The following SYNE1 variants were observed in gnomAD, a reference collection of about 807,000 sequenced individuals.
SYNE1 encodes spectrin repeat containing nuclear envelope protein 1.
In SYNE1, 616 loss-of-function variants were observed where a neutral mutation model predicts 1,111.0. The ratio of observed to expected loss-of-function variants is 0.55; its 90% CI spans 0.52 to 0.59. The LOEUF is 0.59. SYNE1 is among the 20% of genes least tolerant of loss of function. The probability of loss-of-function intolerance (pLI) is 0.00; values close to 1 mark genes in which losing one functional copy is unlikely to be tolerated. For missense variants in SYNE1, 10,006 were observed against 10,417.0 expected (o/e 0.96, Z 1.72); for synonymous variants, 3,855 against 3,825.8 (o/e 1.01, Z -0.28).
At chr6:152,339,949 A>G (rs2096495761) in intron 74 of SYNE1, among the ~76,000 whole-genome samples, 1 of 152,260 alleles carries the variant, frequency 6.6e-6, no homozygotes, top group African/African-American at 2.4e-5. Flanking sequence ...CTCAGGCTCC[A>G]TTTTAGATAC....
chr6:152,358,142 T>C (rs2096869989), intron 66 of SYNE1, among the ~76,000 whole-genome samples: 2 of 152,208 alleles, frequency 1.3e-5, no homozygotes, highest in Admixed American at 1.3e-4. Flanking sequence ...AGCAGCTCCA[T>C]GAATCCCCCA....
At chr6:152,464,963 A>G in intron 18 of SYNE1, 2 of 445,860 alleles carry the variant, frequency 4.5e-6, no homozygotes, top group Non-Finnish European at 8.3e-6. Context: ...CCTCTCTTAA[A>G]TCAGGAAATC....
intron 17 of SYNE1, 37 bp from the exon 18 acceptor site, chr6:152,465,497 T>C: frequency 2.5e-6 from 4 of 1,579,282 alleles, no homozygotes; most frequent in Non-Finnish European, 3.5e-6. Flanking sequence ...CCTTATCTCA[T>C]ATTTTAAATC....
chr6:152,470,129 A>C (rs960200408), intron 16 of SYNE1, among the ~76,000 whole-genome samples: 2 of 152,208 alleles, frequency 1.3e-5, no homozygotes, highest in African/African-American at 2.4e-5. Context: ...GCAGTTTGGA[A>C]TTAGTAGCTG....
At position 152,148,133 on chromosome 6, in the gene SYNE1, C is replaced by A. The variant is rs1044569341; in HGVS notation, c.24888G>T (p.Glu8296Asp). ...AGGGCAGAGCTCTGGACATTGCAGACTCCAGGTCCCGACTGAGGTCATAGT... is the reference window on the plus strand; with the variant it reads ...AGGGCAGAGCTCTGGACATTGCAGAATCCAGGTCCCGACTGAGGTCATAGT... ...DHDYDLSRDLESAMSRALPSE... is the reference protein window; with the variant it reads ...DHDYDLSRDLDSAMSRALPSE... Residue 8296 changes from glutamate to aspartate, a missense_variant, in exon 137 of 146, where the codon GAG (glutamate) becomes GAT (aspartate). Glu to Asp is a conservative substitution (Grantham distance 45). Coordinates refer to ENST00000367255, the MANE Select transcript of SYNE1 (RefSeq NM_182961.4). The surrounding 1 kb of genome is among the most constrained non-coding windows in gnomAD (Gnocchi z 4.1). 1.9e-6 allele frequency: 3 copies of A among 1,614,100 alleles called. No homozygotes were observed. The African/African-American group carries it at 4.0e-5, about 22-fold the overall frequency.
chr6:152,314,245 C>G (rs2095640975), intron 87 of SYNE1, among the ~76,000 whole-genome samples: 1 of 152,186 alleles, frequency 6.6e-6, no homozygotes, highest in Non-Finnish European at 1.5e-5. Flanking sequence ...AGGATAAAGT[C>G]CAAATTCCCA....
chr6:152,420,231 G>A (rs2098234762), intron 39 of SYNE1, among the ~76,000 whole-genome samples: 1 of 152,002 alleles, frequency 6.6e-6, no homozygotes, highest in Non-Finnish European at 1.5e-5. Flanking sequence ...TCCAAAATTT[G>A]CTTTTTCTTT....
rs770726839 is a variant in SYNE1, at chr6:152,455,558, C to G, written c.2760G>C (p.Lys920Asn). ...SMVKKTGDWK[K>N]HVETNSRLMK... ...TCAAGCGACTGTTGGTTTCCACATGCTTCTTCCAATCTCCAGTTTTCTTTA... is the reference window on the plus strand; with the variant it reads ...TCAAGCGACTGTTGGTTTCCACATGGTTCTTCCAATCTCCAGTTTTCTTTA... Residue 920 changes from lysine to asparagine, a missense_variant, in exon 24 of 146, where the codon AAG becomes AAC. Physicochemically the swap from Lys to Asn is moderately conservative, Grantham distance 94. Coordinates refer to ENST00000367255, the MANE Select transcript of SYNE1 (RefSeq NM_182961.4). 1.9e-6 allele frequency: 3 copies of G among 1,614,036 alleles called. No individual in the cohort carries two copies. Among genetic ancestry groups the G allele is most frequent in the South Asian group, 2.2e-5 (2 of 91,082 alleles).
At chr6:152,513,522 T>G (rs1211535360) in intron 6 of SYNE1, among the ~76,000 whole-genome samples, 1 of 152,090 alleles carries the variant, frequency 6.6e-6, no homozygotes, top group African/African-American at 2.4e-5. Context: ...TTAGTAGAGA[T>G]GAAGTTTTGC....
At chr6:152,499,877 G>A (rs2099019733) in intron 10 of SYNE1, among the ~76,000 whole-genome samples, 1 of 152,074 alleles carries the variant, frequency 6.6e-6, no homozygotes, top group African/African-American at 2.4e-5. Flanking sequence ...TTTATTTTCT[G>A]GATGATTAAA....
chr6:152,369,427 C>A lies in SYNE1; in HGVS notation c.9651+44G>T, dbSNP rs774536246. 18 of 1,613,800 alleles carry A rather than the reference C, an allele frequency of 1.1e-5. No individual in the cohort carries two copies. The South Asian group carries it at 1.5e-4, about 14-fold the overall frequency. ...ATCTGTAAGGTCGACAGAGGACGGACAAAGACTAGGTCAGATGGGGCTACG... is the reference window on the plus strand; with the variant it reads ...ATCTGTAAGGTCGACAGAGGACGGAAAAAGACTAGGTCAGATGGGGCTACG... On this transcript the variant is annotated intron_variant, in intron 60 of 145. Transcript: ENST00000367255.
chr6:152,195,684 C>T (rs2073923946), intron 127 of SYNE1, among the ~76,000 whole-genome samples: 1 of 152,182 alleles, frequency 6.6e-6, no homozygotes, highest in Non-Finnish European at 1.5e-5. Flanking sequence ...GCTGAGTTCC[C>T]TGGTACTGGT....
chr6:152,201,322 A>T (rs1308328503), intron 127 of SYNE1, among the ~76,000 whole-genome samples: 1 of 152,108 alleles, frequency 6.6e-6, no homozygotes, highest in East Asian at 1.9e-4. Context: ...ATAATCTTTA[A>T]GTACTTAGAG....
intron 132 of SYNE1, chr6:152,155,322 A>G: frequency 2.4e-6 from 1 of 418,018 alleles, no homozygotes; most frequent in Non-Finnish European, 4.5e-6. Flanking sequence ...GCTGCCTTGA[A>G]TGTGTGCACC....
chr6:152,225,835 C>G lies in SYNE1; in HGVS notation c.21237G>C (p.Glu7079Asp). The G allele has an allele frequency of 2.5e-6, 4 of 1,613,856 alleles. No individual in the cohort carries two copies. Among genetic ancestry groups the G allele is most frequent in the Non-Finnish European group, 3.4e-6 (4 of 1,179,926 alleles). ...DLIKAKEKEV[E>D]KIEQNGLALI... is the part of the protein sequence containing the mutation. ...AAGCAAGTCCATTCTGCTCAATTTT[C>G]TCTACTTCTTTTTCTTTTGCTTTAA... The change falls in exon 116 of 146, where the codon GAG becomes GAC. Residue 7079 changes from glutamate (E) to aspartate (D), a missense_variant. Physicochemically the swap from Glu to Asp is conservative, Grantham distance 45. Around this residue, in one of 7 missense-constraint regions of SYNE1, gnomAD observed 2,182 missense variants for 2,287.8 expected, o/e 0.95. Transcript: ENST00000367255.
At chr6:152,196,777 C>T (rs1041264314) in intron 127 of SYNE1, among the ~76,000 whole-genome samples, 1 of 152,016 alleles carries the variant, frequency 6.6e-6, no homozygotes, top group Admixed American at 6.6e-5. Flanking sequence ...CTTTAGCTGT[C>T]TTCCTGGTGT....
chr6:152,598,204 C>T (rs1415313729), intron 3 of SYNE1, among the ~76,000 whole-genome samples: 3 of 151,992 alleles, frequency 2.0e-5, no homozygotes, highest in African/African-American at 7.3e-5. Context: ...ATCATGGGGT[C>T]GGGCCTTTCC....
At chr6:152,279,147 C>CTTTTTT (rs59520598) in intron 97 of SYNE1, among the ~76,000 whole-genome samples, 219 of 112,576 alleles carry the variant, frequency 1.9e-3, no homozygotes, top group Middle Eastern at 5.6e-3. Flanking sequence ...CTTTTCTTTT[C>CTTTTTT]TTTTTTTTTT....
At chr6:152,261,557 C>T (rs769040964) in intron 101 of SYNE1, among the ~76,000 whole-genome samples, 1 of 152,140 alleles carries the variant, frequency 6.6e-6, no homozygotes, top group African/African-American at 2.4e-5. Flanking sequence ...CACTTCCCTG[C>T]CCTAGACCCA....
Sources: gnomAD v4.1 joint callset for allele counts (sites outside exome capture counted in the v4.1 genomes callset) on GRCh38, gnomAD v4.1.1 for gene constraint, gnomAD v4.1.1 regional missense constraint, Gnocchi (gnomAD v3.1) non-coding constraint, MANE v1.5 for transcripts, NCBI Gene and HGNC (gene_info 2026-07-23, HGNC 2026-07-21) for gene names.